The following LCORL variants were observed in gnomAD, a reference collection of about 807,000 sequenced individuals.
LCORL encodes ligand dependent nuclear receptor corepressor like.
Under a neutral mutation model 141.8 loss-of-function variants are expected in LCORL, and 41 were observed. The observed-to-expected ratio is 0.29, with a 90% CI of 0.23 to 0.38. The LOEUF (loss-of-function observed/expected upper bound fraction) is 0.38, where lower values mean the gene tolerates loss of function less well. Ranked by LOEUF, LCORL falls within the 10% of genes least tolerant of loss-of-function variation. The pLI, the probability that LCORL is intolerant of heterozygous loss-of-function variation, is 1.00. For missense variants in LCORL, 1,759 were observed against 2,035.0 expected (o/e 0.86, Z 2.61); for synonymous variants, 618 against 694.1 (o/e 0.89, Z 1.72).
intron 7 of LCORL, among the ~76,000 whole-genome samples, chr4:17,855,083 C>T (rs773704745): frequency 8.6e-5 from 13 of 152,030 alleles, no homozygotes; most frequent in Non-Finnish European, 1.5e-4. Context: ...ACAGTTTTCT[C>T]CTTAGAAATG....
chr4:17,982,129 T>TGTGTGC, intron 1 of LCORL, among the ~76,000 whole-genome samples: 1 of 150,764 alleles, frequency 6.6e-6, no homozygotes, highest in Admixed American at 6.6e-5. Context: ...TGTGTGTGTG[T>TGTGTGC]GTGTGTGTGT....
intron 7 of LCORL, among the ~76,000 whole-genome samples, chr4:17,871,068 A>G (rs1044659713): frequency 6.6e-6 from 1 of 152,144 alleles, no homozygotes; most frequent in Non-Finnish European, 1.5e-5. Context: ...TTTATTCTAC[A>G]AAGAAGAAAA....
At chr4:17,869,380 G>T (rs1197434967) in intron 7 of LCORL, among the ~76,000 whole-genome samples, 1 of 151,826 alleles carries the variant, frequency 6.6e-6, no homozygotes, top group East Asian at 1.9e-4. Flanking sequence ...TTGTGGCTCT[G>T]TTAGTCCACC....
At chr4:17,881,312 T>C in intron 6 of LCORL, 1 of 981,240 alleles carries the variant, frequency 1.0e-6, no homozygotes, top group Non-Finnish European at 1.2e-6. Flanking sequence ...ATAAAGTACT[T>C]TGAAAGTTTA....
At chr4:17,867,045 AT>A in intron 7 of LCORL, 1 of 946,024 alleles carries the variant, frequency 1.1e-6, no homozygotes, top group Non-Finnish European at 1.3e-6. Context: ...GAGAATAAAG[AT>A]TTACAAAACA....
chr4:17,853,519 G>A (rs774940866), intron 7 of LCORL, among the ~76,000 whole-genome samples: 15 of 152,048 alleles, frequency 9.9e-5, no homozygotes, highest in Non-Finnish European at 1.9e-4. Context: ...AGAGTTTCAG[G>A]GAACACCAAG....
rs926940140 is a variant in LCORL at position 17,891,099 on chromosome 4, G to T, written c.683-4938C>A. ...TAGTAACTTACATTAAACCTAATGT[G>T]TTTAAAACTCTATTTTTCTATAGTG... On this transcript the variant is annotated intron_variant, in intron 5 of 7. Transcript: ENST00000635767. 6.6e-5 allele frequency among the ~76,000 whole-genome samples: 10 copies of T among 152,194 alleles called. No homozygotes were observed. The South Asian group carries it at 2.1e-3, about 32-fold the overall frequency.
chr4:17,929,385 AAATAC>A (rs2109412644), intron 4 of LCORL, among the ~76,000 whole-genome samples: 1 of 152,368 alleles, frequency 6.6e-6, no homozygotes, highest in Admixed American at 6.5e-5. Context: ...AGCTTACTAT[AAATAC>A]AATAGTCAAG....
At chr4:18,010,606 C>G (rs1054537796) in intron 1 of LCORL, among the ~76,000 whole-genome samples, 2 of 151,044 alleles carry the variant, frequency 1.3e-5, no homozygotes, top group Non-Finnish European at 2.9e-5. Context: ...CCTGCCACCA[C>G]GCCTGGCTAA....
chr4:18,006,497 A>G (rs1197390103), intron 1 of LCORL, among the ~76,000 whole-genome samples: 2 of 152,042 alleles, frequency 1.3e-5, no homozygotes, highest in African/African-American at 2.4e-5. Flanking sequence ...GTATTAGTCC[A>G]TTTTCACACT....
chr4:18,021,828 AGCCCCGGAGCGC>A lies in LCORL; in HGVS notation c.-89_-78del. 5 of 1,353,104 alleles carry A rather than the reference AGCCCCGGAGCGC, an allele frequency of 3.7e-6. No individual in the cohort carries two copies. Among genetic ancestry groups the A allele is most frequent in the African/African-American group, 1.5e-5 (1 of 65,022 alleles). 83.8% of individuals were successfully genotyped at this position (1,353,104 alleles called of 1,614,324 possible). A position where few individuals can be genotyped will look rare whatever the true frequency, so the allele number is the denominator to read the frequency against. On this transcript the variant is annotated 5_prime_UTR_variant, in exon 1 of 8. Coordinates refer to ENST00000635767, the Ensembl canonical transcript of LCORL. The surrounding 1 kb of genome is among the most constrained non-coding windows in gnomAD (Gnocchi z 5.5). Reference sequence around the variant, plus strand: ...GGCAGGGGCGCGAGCCCTCGGCGCGAGCCCCGGAGCGCGCGCCCCCCGGAGGGGGGTTGATTG... The same window carrying A: ...GGCAGGGGCGCGAGCCCTCGGCGCGAGCGCCCCCCGGAGGGGGGTTGATTG...
intron 7 of LCORL, among the ~76,000 whole-genome samples, chr4:17,855,556 A>C (rs1724262687): frequency 6.6e-6 from 1 of 152,110 alleles, no homozygotes; most frequent in Non-Finnish European, 1.5e-5. Flanking sequence ...ACTCATCCTT[A>C]AATTTACTTT....
At chr4:17,849,305 C>T (rs1723340296) in intron 7 of LCORL, among the ~76,000 whole-genome samples, 1 of 152,158 alleles carries the variant, frequency 6.6e-6, no homozygotes, top group Non-Finnish European at 1.5e-5. Flanking sequence ...CCTCACACGG[C>T]CGGGTACTCC....
chr4:17,989,400 T>C (rs1719583414), intron 1 of LCORL, among the ~76,000 whole-genome samples: 1 of 152,300 alleles, frequency 6.6e-6, no homozygotes, highest in Middle Eastern at 3.4e-3. Context: ...ATTTGTTAAT[T>C]GGGCACATGG....
chr4:18,000,835 T>C lies in LCORL; in HGVS notation c.154+20763A>G, dbSNP rs546996726. 5.3e-5 allele frequency among the ~76,000 whole-genome samples: 8 copies of C among 152,328 alleles called. No individual in the cohort carries two copies. The South Asian group carries it at 1.7e-3, about 32-fold the overall frequency. Reference sequence around the variant, plus strand: ...GTTCCATTTCTTGATCTGGTGGTGGTTATAAGAGTATGTTCATTTTGTTCA... The same window carrying C: ...GTTCCATTTCTTGATCTGGTGGTGGCTATAAGAGTATGTTCATTTTGTTCA... On this transcript the variant is annotated intron_variant, in intron 1 of 7. Coordinates refer to ENST00000635767, the Ensembl canonical transcript of LCORL.
chr4:17,876,934 T>A, exon 7 of LCORL: 1 of 1,230,770 alleles, frequency 8.1e-7, no homozygotes, highest in Non-Finnish European at 1.0e-6. Context: ...TCAGCATGAT[T>A]TTTACCTTGA....
At chr4:17,978,579 C>CAAAAA (rs202146842) in intron 1 of LCORL, among the ~76,000 whole-genome samples, 1 of 125,242 alleles carries the variant, frequency 8.0e-6, no homozygotes, top group African/African-American at 2.8e-5. Context: ...GACCTTGTCT[C>CAAAAA]AAAAAAAAAA....
At chr4:17,878,035 C>T (rs1315792525) in exon 7 of LCORL, 1 of 1,230,562 alleles carries the variant, frequency 8.1e-7, no homozygotes. Flanking sequence ...TCTGAAGACA[C>T]AACACATGAT....
rs1726705968 is a variant in LCORL at position 17,874,484 on chromosome 4, C to A, written c.4506G>T (p.Leu1502Phe). 12 of 1,233,670 alleles carry A rather than the reference C, an allele frequency of 9.7e-6. No individual in the cohort carries two copies. In the South Asian group the frequency reaches 3.3e-4, roughly 34 times the overall value. The allele number at this position is 1,233,670 out of a possible 1,614,324, so 76.4% of individuals were successfully genotyped here. The stretch of plus-strand genomic sequence containing the variant: ...GCATAAACCAAGTACAGAGTTCATT[C>A]AAATCATACTTTTTCTGAAAAAGCA... The change falls in exon 7 of 8, where the codon TTG becomes TTT. Residue 1502 changes from leucine to phenylalanine, a missense_variant. Physicochemically the swap from Leu to Phe is conservative, Grantham distance 22. This residue lies in a region of LCORL where 39 missense variants were observed against 81.1 expected (regional missense o/e 0.48). Transcript: ENST00000635767.
Sources: gnomAD v4.1 joint callset for allele counts (sites outside exome capture counted in the v4.1 genomes callset) on GRCh38, gnomAD v4.1.1 for gene constraint, gnomAD v4.1.1 regional missense constraint, Gnocchi (gnomAD v3.1) non-coding constraint, MANE v1.5 for transcripts, NCBI Gene and HGNC (gene_info 2026-07-23, HGNC 2026-07-21) for gene names.